TACR3: variants seen among roughly 807,000 people sequenced by gnomAD.
TACR3 encodes neuromedin-K receptor.
A neutral mutation model predicts 35.0 loss-of-function variants in TACR3; 34 were observed. That is an observed-to-expected ratio of 0.97 (90% confidence interval 0.74 to 1.30). The LOEUF is 1.30. Among genes scored for constraint, TACR3 ranks in the 50% most tolerant of loss-of-function variants. The pLI is 0.00. For synonymous variants in TACR3, 233 were observed against 221.1 expected (o/e 1.05, Z -0.48); for missense variants, 558 against 591.7 (o/e 0.94, Z 0.59).
At chr4:103,664,968 GT>G (rs76055571) in intron 1 of TACR3, among the ~76,000 whole-genome samples, 4,201 of 142,618 alleles carry the variant, frequency 0.029, 184 homozygotes, top group African/African-American at 0.099. Flanking sequence ...TGCCTGGCTA[GT>G]TTTTTTTTTT....
Position 103,587,229 on chromosome 4 carries a change from G to T in TACR3, c.*2453C>A, listed in dbSNP as rs1723785560. The T allele has an allele frequency of 6.6e-6, 1 of 152,070 alleles. No individual in the cohort carries two copies. The highest frequency in any genetic ancestry group is 1.5e-5 in the Non-Finnish European group (1 of 67,988). The allele number at this position is 152,070 out of a possible 1,614,324, so 9.4% of individuals were successfully genotyped here. ...TTATTGTCAAAATGCAGACAAAAGA[G>T]TGAAAAATCTTCTCTTTTATATTTC... On this transcript the variant is annotated 3_prime_UTR_variant, in exon 5 of 5. Transcript: ENST00000304883.
intron 3 of TACR3, among the ~76,000 whole-genome samples, chr4:103,610,105 C>A (rs1724479182): frequency 6.6e-6 from 1 of 151,948 alleles, no homozygotes; most frequent in South Asian, 2.1e-4. Flanking sequence ...CTTCAACATG[C>A]TAATTTCATT....
chr4:103,703,978 C>T lies in TACR3; in HGVS notation c.548+15150G>A, dbSNP rs115323367. ...ATTTAGCAGGGCGTGGTAGCAGGCG[C>T]CTCTAGTCCCAGCTATGCAGGAGGC... is the stretch of plus-strand genomic sequence containing the variant. On this transcript the variant is annotated intron_variant, in intron 1 of 4. Transcript: ENST00000304883. 8.1e-3 allele frequency among the ~76,000 whole-genome samples: 1,223 copies of T among 151,716 alleles called. 19 individuals are homozygous for T. The highest frequency in any genetic ancestry group is 0.028 in the African/African-American group (1,170 of 41,394).
At chr4:103,600,085 T>C (rs1724157040) in intron 3 of TACR3, among the ~76,000 whole-genome samples, 1 of 152,130 alleles carries the variant, frequency 6.6e-6, no homozygotes, top group Non-Finnish European at 1.5e-5. Context: ...CATCTGGTCC[T>C]GGACTTTTTT....
At chr4:103,596,544 A>T (rs1207158621) in intron 3 of TACR3, among the ~76,000 whole-genome samples, 4 of 152,250 alleles carry the variant, frequency 2.6e-5, no homozygotes, top group Admixed American at 1.3e-4. Flanking sequence ...ATGGTCAGCT[A>T]GGTGTGACAA....
intron 3 of TACR3, among the ~76,000 whole-genome samples, chr4:103,648,079 C>T (rs1180229089): frequency 1.3e-5 from 2 of 151,896 alleles, no homozygotes; most frequent in Admixed American, 6.6e-5. Context: ...GTCTTCTGCT[C>T]GTGACTAGCC....
chr4:103,705,710 A>C (rs1722772560), intron 1 of TACR3, among the ~76,000 whole-genome samples: 1 of 152,144 alleles, frequency 6.6e-6, no homozygotes, highest in South Asian at 2.1e-4. Context: ...CATTTAGCTA[A>C]TGAGGAATTG....
chr4:103,602,421 CT>C (rs1483236887), intron 3 of TACR3, among the ~76,000 whole-genome samples: 1 of 152,066 alleles, frequency 6.6e-6, no homozygotes, highest in Non-Finnish European at 1.5e-5. Context: ...TGTTCCGTTG[CT>C]GGTGAGGAGC....
At chr4:103,640,560 G>C (rs538720209) in intron 3 of TACR3, among the ~76,000 whole-genome samples, 1 of 151,624 alleles carries the variant, frequency 6.6e-6, no homozygotes, top group Non-Finnish European at 1.5e-5. Flanking sequence ...TATGTATTTT[G>C]GATACTAACC....
intron 1 of TACR3, among the ~76,000 whole-genome samples, chr4:103,695,735 G>T (rs539054088): frequency 1.3e-5 from 2 of 151,918 alleles, no homozygotes; most frequent in East Asian, 3.9e-4. Flanking sequence ...GTGTGTGTGT[G>T]TGTGTGTGTA....
intron 1 of TACR3, among the ~76,000 whole-genome samples, chr4:103,717,762 A>G (rs1723122645): frequency 6.6e-6 from 1 of 152,212 alleles, no homozygotes; most frequent in Non-Finnish European, 1.5e-5. Context: ...CTTAACTTCT[A>G]TCTTGGTGTA....
intron 1 of TACR3, among the ~76,000 whole-genome samples, chr4:103,707,865 G>T (rs1428973066): frequency 6.6e-6 from 1 of 152,204 alleles, no homozygotes; most frequent in Non-Finnish European, 1.5e-5. Context: ...TCCTGCGCCT[G>T]GCTCAGAGGG....
chr4:103,673,373 T>G (rs918947946), intron 1 of TACR3, among the ~76,000 whole-genome samples: 13 of 152,164 alleles, frequency 8.5e-5, no homozygotes, highest in Non-Finnish European at 4.4e-5. Flanking sequence ...ATTTCAACAC[T>G]TAGAGGACAT....
chr4:103,666,801 GATT>G (rs1725946189), intron 1 of TACR3, among the ~76,000 whole-genome samples: 1 of 152,022 alleles, frequency 6.6e-6, no homozygotes, highest in South Asian at 2.1e-4. Context: ...GAACATATTT[GATT>G]ATTTCACCCA....
At chr4:103,695,992 T>C (rs1722512478) in intron 1 of TACR3, among the ~76,000 whole-genome samples, 1 of 152,122 alleles carries the variant, frequency 6.6e-6, no homozygotes, top group Non-Finnish European at 1.5e-5. Context: ...TCTTTCTCCC[T>C]TTTTTTCTTT....
chr4:103,708,242 G>C (rs979053981), intron 1 of TACR3, among the ~76,000 whole-genome samples: 1 of 152,200 alleles, frequency 6.6e-6, no homozygotes, highest in African/African-American at 2.4e-5. Flanking sequence ...CTAAATGGGA[G>C]GTACCCCTCC....
intron 3 of TACR3, among the ~76,000 whole-genome samples, chr4:103,616,480 T>C (rs1724664641): frequency 6.6e-6 from 1 of 152,196 alleles, no homozygotes; most frequent in Admixed American, 6.5e-5. Context: ...TGTATTTGTA[T>C]GTATACATTT....
chr4:103,601,286 C>A lies in TACR3; in HGVS notation c.889-9603G>T, dbSNP rs951654942. On this transcript the variant is annotated intron_variant, in intron 3 of 4. Coordinates refer to ENST00000304883, the MANE Select transcript of TACR3 (RefSeq NM_001059.3). ...TATTTTGAGCCTATGTGTGTCTCTG[C>A]ATGTGAGATGGGTTTCCTGAATACA... Among the ~76,000 whole-genome samples the A allele has an allele frequency of 7.2e-5, 11 of 152,156 alleles. No homozygotes were observed. In the South Asian group the frequency reaches 2.3e-3, roughly 32 times the overall value.
chr4:103,687,258 G>C (rs1295408368), intron 1 of TACR3, among the ~76,000 whole-genome samples: 1 of 152,054 alleles, frequency 6.6e-6, no homozygotes, highest in East Asian at 1.9e-4. Flanking sequence ...AAAATAATAA[G>C]AGCTATCTAT....
Sources: gnomAD v4.1 joint callset for allele counts (sites outside exome capture counted in the v4.1 genomes callset) on GRCh38, gnomAD v4.1.1 for gene constraint, MANE v1.5 for transcripts, NCBI Gene and HGNC (gene_info 2026-07-23, HGNC 2026-07-21) for gene names.